CCDC178: variants seen among roughly 807,000 people sequenced by gnomAD.
CCDC178 encodes coiled-coil domain containing 178.
Under a neutral mutation model 117.4 loss-of-function variants are expected in CCDC178, and 126 were observed. The observed-to-expected ratio is 1.07, with a 90% CI of 0.93 to 1.24. The LOEUF (loss-of-function observed/expected upper bound fraction) is 1.24, where lower values mean the gene tolerates loss of function less well. Ranked by LOEUF, CCDC178 falls within the 50% of genes most tolerant of loss-of-function variation. The pLI is 0.00. For missense variants in CCDC178, 1,030 were observed against 986.9 expected, an observed-to-expected ratio of 1.04 and a Z score of -0.59; for synonymous variants, 283 against 313.4, an observed-to-expected ratio of 0.90 and a Z score of 1.02.
At chr18:33,166,552 GTGGTGCTAT>G in intron 20 of CCDC178, among the ~76,000 whole-genome samples, 1 of 152,160 alleles carries the variant, frequency 6.6e-6, no homozygotes, top group Admixed American at 6.6e-5. Flanking sequence ...GGAAAGAGTT[GTGGTGCTAT>G]TGGTGAATGA....
At chr18:33,051,572 A>G (rs1329852311) in intron 21 of CCDC178, among the ~76,000 whole-genome samples, 1 of 152,210 alleles carries the variant, frequency 6.6e-6, no homozygotes, top group Non-Finnish European at 1.5e-5. Context: ...ACTGGGATGG[A>G]CGCTGTGTTG....
intron 14 of CCDC178, among the ~76,000 whole-genome samples, chr18:33,256,963 C>G (rs2059687559): frequency 6.6e-6 from 1 of 151,358 alleles, no homozygotes; most frequent in Admixed American, 6.6e-5. Context: ...CATAATTGTA[C>G]AATCTGAGTT....
chr18:33,096,663 A>G (rs934384352), intron 20 of CCDC178, among the ~76,000 whole-genome samples: 1 of 152,056 alleles, frequency 6.6e-6, no homozygotes, highest in African/African-American at 2.4e-5. Flanking sequence ...GGAAGCAAAA[A>G]TGAAATAAAG....
intron 6 of CCDC178, among the ~76,000 whole-genome samples, chr18:33,367,258 T>G (rs180832937): frequency 2.0e-5 from 3 of 152,068 alleles, no homozygotes; most frequent in African/African-American, 7.2e-5. Context: ...TCCAAACAAT[T>G]GAACTCATGA....
intron 12 of CCDC178, among the ~76,000 whole-genome samples, chr18:33,268,944 T>C (rs374980798): frequency 3.8e-4 from 57 of 151,912 alleles, no homozygotes; most frequent in African/African-American, 1.3e-3. Flanking sequence ...CACCTTCTAG[T>C]CCTATCACTT....
At chr18:33,048,289 A>G (rs1274811115) in intron 21 of CCDC178, among the ~76,000 whole-genome samples, 1 of 152,170 alleles carries the variant, frequency 6.6e-6, no homozygotes, top group Non-Finnish European at 1.5e-5. Context: ...TTTCTGGTAC[A>G]TTATTACAGC....
intron 21 of CCDC178, among the ~76,000 whole-genome samples, chr18:33,018,124 A>T (rs1001505295): frequency 2.0e-5 from 3 of 152,064 alleles, no homozygotes; most frequent in Non-Finnish European, 2.9e-5. Context: ...GGAACAACAT[A>T]TTTGAATAGA....
chr18:33,255,217 C>A (rs1568092139), intron 14 of CCDC178, among the ~76,000 whole-genome samples: 1 of 152,038 alleles, frequency 6.6e-6, no homozygotes, highest in African/African-American at 2.4e-5. Context: ...TCCAAGCCTG[C>A]AGAACCATGA....
intron 14 of CCDC178, among the ~76,000 whole-genome samples, chr18:33,246,655 A>G (rs1361732636): frequency 6.6e-6 from 1 of 151,864 alleles, no homozygotes; most frequent in Non-Finnish European, 1.5e-5. Context: ...GTAGAGGAGA[A>G]GAAGCATAAA....
chr18:33,369,434 T>G (rs1324188944), intron 6 of CCDC178, among the ~76,000 whole-genome samples: 1 of 151,950 alleles, frequency 6.6e-6, no homozygotes, highest in African/African-American at 2.4e-5. Flanking sequence ...TCTGGAAAAT[T>G]GATCTCCCAT....
intron 20 of CCDC178, among the ~76,000 whole-genome samples, chr18:33,150,854 T>C (rs375291382): frequency 6.6e-6 from 1 of 152,164 alleles, no homozygotes; most frequent in African/African-American, 2.4e-5. Flanking sequence ...CATTTCACAA[T>C]TGTAAAGATA....
intron 21 of CCDC178, among the ~76,000 whole-genome samples, chr18:32,995,049 A>C (rs541802012): frequency 6.6e-6 from 1 of 152,102 alleles, no homozygotes; most frequent in Non-Finnish European, 1.5e-5. Context: ...ATGACCCTGC[A>C]CTCCTTTTCA....
intron 10 of CCDC178, among the ~76,000 whole-genome samples, chr18:33,326,461 G>A (rs541713888): frequency 1.9e-3 from 287 of 152,264 alleles, no homozygotes; most frequent in Non-Finnish European, 2.4e-3. Flanking sequence ...ACTCTAAGGG[G>A]TAAAATATGT....
chr18:33,224,106 T>C (rs2059272193), intron 17 of CCDC178, among the ~76,000 whole-genome samples: 1 of 152,144 alleles, frequency 6.6e-6, no homozygotes, highest in Non-Finnish European at 1.5e-5. Context: ...TATCAAAGAC[T>C]AAAAATATAA....
At chr18:33,145,971 T>A (rs888042378) in intron 20 of CCDC178, among the ~76,000 whole-genome samples, 2 of 152,180 alleles carry the variant, frequency 1.3e-5, no homozygotes, top group African/African-American at 4.8e-5. Flanking sequence ...TTGATTGATA[T>A]AAGAAGTGGG....
At chr18:33,028,511 TTA>T (rs2056272341) in intron 21 of CCDC178, among the ~76,000 whole-genome samples, 1 of 151,774 alleles carries the variant, frequency 6.6e-6, no homozygotes, top group Non-Finnish European at 1.5e-5. Context: ...ATACTTGCTA[TTA>T]TATGTTTTTT....
At chr18:33,039,387 G>A (rs879772678) in intron 21 of CCDC178, among the ~76,000 whole-genome samples, 1 of 151,928 alleles carries the variant, frequency 6.6e-6, no homozygotes, top group African/African-American at 2.4e-5. Context: ...AGTGAAATCA[G>A]GAGATAGAAA....
rs763324508 is a variant in CCDC178 at position 33,397,193 on chromosome 18, T to A, written c.74A>T (p.Glu25Val). 3.8e-5 allele frequency: 61 copies of A among 1,606,368 alleles called. No homozygotes were observed. Among genetic ancestry groups the A allele is most frequent in the Admixed American group, 1.2e-4 (7 of 59,722 alleles). The change falls in exon 4 of 23, where the codon GAA (glutamate) becomes GTA (valine). Residue 25 changes from glutamate to valine, a missense_variant. Coordinates refer to ENST00000383096, the MANE Select transcript of CCDC178 (RefSeq NM_001105528.4). Reference sequence around the variant, plus strand: ...TGCCTTCTCTCTGAGAGCCTTTACTTCCTGACATGTTAAACCTATAAAAGG... The same window carrying A: ...TGCCTTCTCTCTGAGAGCCTTTACTACCTGACATGTTAAACCTATAAAAGG... Reference protein sequence around the residue: ...DQTNIGLTCQEVKALREKAWS... With the variant: ...DQTNIGLTCQVVKALREKAWS...
chr18:33,006,731 T>TA (rs1272006565), intron 21 of CCDC178, among the ~76,000 whole-genome samples: 1 of 152,060 alleles, frequency 6.6e-6, no homozygotes, highest in Admixed American at 6.6e-5. Flanking sequence ...TCTTTGCAGA[T>TA]AAGAAGGGAG....
Sources: gnomAD v4.1 joint callset for allele counts (sites outside exome capture counted in the v4.1 genomes callset) on GRCh38, gnomAD v4.1.1 for gene constraint, MANE v1.5 for transcripts, NCBI Gene and HGNC (gene_info 2026-07-23, HGNC 2026-07-21) for gene names.